The following SLFN12L variants were observed in gnomAD, a reference collection of about 807,000 sequenced individuals.
SLFN12L encodes schlafen family member 12 like.
Under a neutral mutation model 34.8 loss-of-function variants are expected in SLFN12L, and 34 were observed. The observed-to-expected ratio is 0.98, with a 90% CI of 0.74 to 1.30. SLFN12L has a LOEUF of 1.30. Among genes scored for constraint, SLFN12L ranks in the 50% most tolerant of loss-of-function variants. SLFN12L has a pLI of 0.00. For missense variants in SLFN12L, 703 were observed against 696.2 expected, an observed-to-expected ratio of 1.01 and a Z score of -0.11; for synonymous variants, 259 against 247.5, an observed-to-expected ratio of 1.05 and a Z score of -0.44.
chr17:35,528,891 T>A (rs1233886001), intron 1 of SLFN12L, among the ~76,000 whole-genome samples: 1 of 151,970 alleles, frequency 6.6e-6, no homozygotes, highest in African/African-American at 2.4e-5. Context: ...GAAACTAACA[T>A]CAGAGTGAAC....
intron 3 of SLFN12L, chr17:35,478,595 AC>A (rs1416531417): frequency 5.9e-6 from 1 of 170,524 alleles, no homozygotes; most frequent in African/African-American, 2.4e-5. Context: ...GTCTAATCTC[AC>A]TGGAGGCTTT....
In SLFN12L at chr17:35,468,330, G is replaced by A. The variant is rs564923243; in HGVS notation, c.*6593C>T. Among the ~76,000 whole-genome samples the A allele has an allele frequency of 6.6e-6, 1 of 152,214 alleles. No homozygotes were observed. The highest frequency in any genetic ancestry group is 2.4e-5 in the African/African-American group (1 of 41,530). ...AATGCTAAGACCCACATCAACCTGAGTCTGTATTTACTTAAAAGAAATACT... is the reference window on the plus strand; with the variant it reads ...AATGCTAAGACCCACATCAACCTGAATCTGTATTTACTTAAAAGAAATACT... On this transcript the variant is annotated 3_prime_UTR_variant, in exon 5 of 5. Transcript: ENST00000628453.
intron 2 of SLFN12L, chr17:35,514,793 C>T (rs934896742): frequency 5.3e-5 from 21 of 398,222 alleles, no homozygotes; most frequent in Non-Finnish European, 2.9e-5. Flanking sequence ...TGGCCAAGCG[C>T]CAGCACTTAC....
At chr17:35,530,423 AAGGAAGGGAAGGGAAGGG>A (rs1272062155) in intron 1 of SLFN12L, among the ~76,000 whole-genome samples, 294 of 16,654 alleles carry the variant, frequency 0.018, 29 homozygotes, top group East Asian at 0.1. Context: ...GGAAGGAAGG[AAGGAAGGGAAGGGAAGGG>A]AAGAAAGAAA....
intron 2 of SLFN12L, among the ~76,000 whole-genome samples, chr17:35,513,160 T>C (rs1915710388): frequency 6.6e-6 from 1 of 152,160 alleles, no homozygotes; most frequent in Admixed American, 6.5e-5. Flanking sequence ...GAAAATGATA[T>C]TGTGCCTCAT....
chr17:35,484,711 G>T (rs898144245), intron 2 of SLFN12L, among the ~76,000 whole-genome samples: 2 of 152,146 alleles, frequency 1.3e-5, no homozygotes, highest in Non-Finnish European at 2.9e-5. Flanking sequence ...TCACTATCTG[G>T]AGCAGGATTT....
intron 2 of SLFN12L, among the ~76,000 whole-genome samples, chr17:35,507,680 T>C (rs1597865024): frequency 6.6e-6 from 1 of 152,354 alleles, no homozygotes; most frequent in East Asian, 1.9e-4. Context: ...GATTTAAAAC[T>C]CTTATAATAG....
intron 2 of SLFN12L, among the ~76,000 whole-genome samples, chr17:35,517,544 A>G (rs1264075512): frequency 6.6e-6 from 1 of 152,224 alleles, no homozygotes; most frequent in Non-Finnish European, 1.5e-5. Context: ...ATTAGAAAAA[A>G]CTACTGTAAA....
At chr17:35,499,024 C>T in intron 2 of SLFN12L, 3 of 725,796 alleles carry the variant, frequency 4.1e-6, no homozygotes, top group Non-Finnish European at 7.4e-6. Flanking sequence ...CTGTTGAACA[C>T]TGCAGAAATC....
At chr17:35,511,670 G>A (rs537172278) in intron 2 of SLFN12L, among the ~76,000 whole-genome samples, 17 of 152,198 alleles carry the variant, frequency 1.1e-4, no homozygotes, top group African/African-American at 3.6e-4. Context: ...GATCCCTTGA[G>A]CCCAAGTATT....
intron 2 of SLFN12L, among the ~76,000 whole-genome samples, chr17:35,514,528 A>T (rs999115678): frequency 1.8e-4 from 27 of 152,238 alleles, no homozygotes; most frequent in Non-Finnish European, 3.5e-4. Context: ...AATGAACAAA[A>T]TCTGTGATAT....
chr17:35,522,830 A>T lies in SLFN12L; in HGVS notation c.-466T>A. 1.5e-6 allele frequency: 2 copies of T among 1,315,242 alleles called. No homozygotes were observed. The highest frequency in any genetic ancestry group is 2.2e-6 in the Non-Finnish European group (2 of 920,072). The allele number at this position is 1,315,242 out of a possible 1,614,324, so 81.5% of individuals were successfully genotyped here. ...GCTTCTCCTGCAAATTCAGGTCCACAGCCTAGCTTCTAGAGAGGATCACAA... is the reference window on the plus strand; with the variant it reads ...GCTTCTCCTGCAAATTCAGGTCCACTGCCTAGCTTCTAGAGAGGATCACAA... On this transcript the variant is annotated 5_prime_UTR_variant, in exon 2 of 5. Coordinates refer to ENST00000628453, the MANE Select transcript of SLFN12L (RefSeq NM_001363830.2).
At chr17:35,486,671 T>C (rs181191479) in intron 2 of SLFN12L, among the ~76,000 whole-genome samples, 5 of 152,322 alleles carry the variant, frequency 3.3e-5, no homozygotes, top group African/African-American at 1.2e-4. Context: ...TGGCCTCCCT[T>C]AAACCTTGGG....
chr17:35,475,366 T>A lies in SLFN12L; in HGVS notation c.1396A>T (p.Ile466Phe), dbSNP rs1913951726. ...EMGSVNKGSL[I>F]FSRSWSLDLG... is the part of the protein sequence containing the mutation. The stretch of plus-strand genomic sequence containing the variant: ...TCCAAAGACCAGCTCCTAGAGAAGA[T>A]CAGTGAGCCCTTATTGACAGAGCCC... Residue 466 changes from isoleucine (I) to phenylalanine (F), a missense_variant, in exon 5 of 5, where the codon ATC becomes TTC. Ile to Phe is a conservative substitution (Grantham distance 21). Coordinates refer to ENST00000628453, the MANE Select transcript of SLFN12L (RefSeq NM_001363830.2). 2.5e-6 allele frequency: 4 copies of A among 1,614,206 alleles called. No individual in the cohort carries two copies. Among genetic ancestry groups the A allele is most frequent in the African/African-American group, 2.7e-5 (2 of 75,054 alleles).
intron 1 of SLFN12L, among the ~76,000 whole-genome samples, chr17:35,530,439 GGGAAGAAAGAAAGAAAGAAAGAAA>G (rs2072390810): frequency 9.1e-5 from 1 of 10,958 alleles, no homozygotes. Context: ...GGGAAGGGAA[GGGAAGAAAGAAAGAAAGAAAGAAA>G]GAAAGAAAGA....
chr17:35,476,500 AGG>A (rs1914022074), intron 4 of SLFN12L, among the ~76,000 whole-genome samples: 14 of 150,072 alleles, frequency 9.3e-5, no homozygotes, highest in Admixed American at 9.3e-4. Flanking sequence ...GAAGGAAGGA[AGG>A]AAGGAAGGAA....
At chr17:35,486,568 T>C (rs551715776) in intron 2 of SLFN12L, among the ~76,000 whole-genome samples, 2 of 152,270 alleles carry the variant, frequency 1.3e-5, no homozygotes, top group East Asian at 3.9e-4. Flanking sequence ...GCTTCAGGCA[T>C]ACATCTGGAA....
chr17:35,474,617 G>A lies in SLFN12L; in HGVS notation c.*306C>T, dbSNP rs1913871832. ...TGCTGGAAATGTCAAAGGCTAATTG[G>A]TCTATAAAAGAATTGATTCTCCAGC... On this transcript the variant is annotated 3_prime_UTR_variant, in exon 5 of 5. Coordinates refer to ENST00000628453, the MANE Select transcript of SLFN12L (RefSeq NM_001363830.2). The A allele has an allele frequency of 3.8e-6, 1 of 261,110 alleles. No homozygotes were observed. Among genetic ancestry groups the A allele is most frequent in the Admixed American group, 5.2e-5 (1 of 19,408 alleles). 16.2% of individuals were successfully genotyped at this position (261,110 alleles called of 1,614,324 possible).
At chr17:35,485,107 G>GT (rs1306811297) in intron 2 of SLFN12L, among the ~76,000 whole-genome samples, 4 of 152,058 alleles carry the variant, frequency 2.6e-5, no homozygotes, top group Non-Finnish European at 4.4e-5. Context: ...TTTTAGTTGA[G>GT]TTTTTTCTTT....
Sources: allele counts gnomAD v4.1 joint callset (sites outside exome capture counted in the v4.1 genomes callset), GRCh38; gene constraint gnomAD v4.1.1; transcripts MANE v1.5; gene names NCBI Gene and HGNC (gene_info 2026-07-23, HGNC 2026-07-21).